ZHX2: variants seen among roughly 807,000 people sequenced by gnomAD.
ZHX2 encodes the protein zinc fingers and homeoboxes protein 2.
A neutral mutation model predicts 21.9 loss-of-function variants in ZHX2; 6 were observed. The observed-to-expected ratio is 0.27, with a 90% confidence interval of 0.15 to 0.54. The LOEUF is 0.54. ZHX2 is among the 20% of genes least tolerant of loss of function. The pLI, the probability that ZHX2 is intolerant of heterozygous loss-of-function variation, is 0.95. For missense variants in ZHX2, 908 were observed against 1,090.7 expected (o/e 0.83, Z 2.36); for synonymous variants, 434 against 437.1 (o/e 0.99, Z 0.09).
chr8:122,904,816 A>G (rs941982146), intron 2 of ZHX2, among the ~76,000 whole-genome samples: 7 of 152,242 alleles, frequency 4.6e-5, no homozygotes, highest in Non-Finnish European at 7.3e-5. Context: ...GATTAAAGAC[A>G]ATAGATGATA....
intron 1 of ZHX2, among the ~76,000 whole-genome samples, chr8:122,835,871 A>T (rs1818482859): frequency 6.6e-6 from 1 of 152,338 alleles, no homozygotes; most frequent in Non-Finnish European, 1.5e-5. Flanking sequence ...TTTGCGGGCC[A>T]TTTGGACCCA....
chr8:122,844,840 A>G (rs1213144499), intron 1 of ZHX2, among the ~76,000 whole-genome samples: 2 of 152,228 alleles, frequency 1.3e-5, no homozygotes, highest in East Asian at 3.8e-4. Flanking sequence ...ACTGACTGCA[A>G]GGAAACCTAC....
chr8:122,823,829 G>A (rs1818205198), intron 1 of ZHX2, among the ~76,000 whole-genome samples: 1 of 152,156 alleles, frequency 6.6e-6, no homozygotes, highest in South Asian at 2.1e-4. Context: ...CTTCTTCAGA[G>A]TACTTTTACC....
chr8:122,882,950 C>T (rs1216317193), intron 2 of ZHX2, among the ~76,000 whole-genome samples: 1 of 152,096 alleles, frequency 6.6e-6, no homozygotes, highest in Non-Finnish European at 1.5e-5. Flanking sequence ...CCACTATACT[C>T]CAGCCTGGGT....
chr8:122,932,680 T>C (rs1821022233), intron 2 of ZHX2, among the ~76,000 whole-genome samples: 3 of 152,214 alleles, frequency 2.0e-5, no homozygotes, highest in African/African-American at 7.2e-5. Context: ...TGGTTACATT[T>C]AGGTCCCACT....
intron 1 of ZHX2, among the ~76,000 whole-genome samples, chr8:122,801,716 A>T (rs921822003): frequency 1.1e-4 from 17 of 152,294 alleles, no homozygotes; most frequent in South Asian, 6.2e-4. Flanking sequence ...GCACCGCTGC[A>T]GCTCCAGCCC....
intron 2 of ZHX2, among the ~76,000 whole-genome samples, chr8:122,910,559 G>A (rs987096555): frequency 1.3e-5 from 2 of 152,212 alleles, no homozygotes; most frequent in African/African-American, 4.8e-5. Context: ...CAAAAGGCAG[G>A]CAAAAGGCTT....
intron 3 of ZHX2, among the ~76,000 whole-genome samples, chr8:122,970,700 T>A (rs1813698632): frequency 6.6e-6 from 1 of 152,180 alleles, no homozygotes; most frequent in African/African-American, 2.4e-5. Flanking sequence ...ATCCAATCAG[T>A]GGCAGCCTCC....
At chr8:122,811,726 G>T (rs1817934494) in intron 1 of ZHX2, among the ~76,000 whole-genome samples, 2 of 152,200 alleles carry the variant, frequency 1.3e-5, no homozygotes, top group African/African-American at 2.4e-5. Flanking sequence ...AAGGTGGGAT[G>T]GTAATAGGTC....
At chr8:122,903,771 C>T (rs1022038596) in intron 2 of ZHX2, among the ~76,000 whole-genome samples, 12 of 151,948 alleles carry the variant, frequency 7.9e-5, no homozygotes, top group African/African-American at 2.7e-4. Context: ...GGTGTTGACA[C>T]GGGGCAGGTA....
intron 3 of ZHX2, among the ~76,000 whole-genome samples, chr8:122,955,694 C>T (rs988732178): frequency 3.3e-5 from 5 of 151,972 alleles, no homozygotes; most frequent in South Asian, 2.1e-4. Context: ...AAGGGGAGGG[C>T]GTGAGTGAAA....
chr8:122,925,672 G>A (rs1820832151), intron 2 of ZHX2, among the ~76,000 whole-genome samples: 1 of 152,174 alleles, frequency 6.6e-6, no homozygotes, highest in African/African-American at 2.4e-5. Flanking sequence ...AGAGAGAACA[G>A]CTCGAGCAAA....
intron 2 of ZHX2, among the ~76,000 whole-genome samples, chr8:122,937,041 G>A (rs993259647): frequency 6.6e-6 from 1 of 152,206 alleles, no homozygotes; most frequent in Non-Finnish European, 1.5e-5. Flanking sequence ...GCATGGGTAG[G>A]GGTCTTTCTC....
At chr8:122,822,588 G>A (rs547527333) in intron 1 of ZHX2, among the ~76,000 whole-genome samples, 5 of 152,330 alleles carry the variant, frequency 3.3e-5, no homozygotes, top group South Asian at 2.1e-4. Context: ...AGAAGGTGAC[G>A]AGAGCCTCCC....
At chr8:122,850,786 C>A (rs1177816425) in intron 1 of ZHX2, among the ~76,000 whole-genome samples, 4 of 151,836 alleles carry the variant, frequency 2.6e-5, no homozygotes, top group African/African-American at 9.7e-5. Context: ...CTTGGAGCTA[C>A]TTTTTAAAAA....
intron 1 of ZHX2, among the ~76,000 whole-genome samples, chr8:122,797,456 A>G (rs1280428975): frequency 1.3e-5 from 2 of 152,242 alleles, no homozygotes; most frequent in Non-Finnish European, 2.9e-5. Flanking sequence ...CTGTTTCTGC[A>G]CAGAGAACCC....
chr8:122,837,357 A>G lies in ZHX2; in HGVS notation c.-282-26120A>G, dbSNP rs139487077. On this transcript the variant is annotated intron_variant, in intron 1 of 3. Transcript: ENST00000314393. ...ATTACTGACCATCAAAGGAAACCCC[A>G]TCTGAGCAATGGGTTCCAGACCCCC... 5.4e-3 allele frequency among the ~76,000 whole-genome samples: 820 copies of G among 152,222 alleles called. 12 individuals are homozygous for G. Among genetic ancestry groups the G allele is most frequent in the African/African-American group, 0.017 (713 of 41,530 alleles).
At chr8:122,817,269 C>T (rs1034230548) in intron 1 of ZHX2, among the ~76,000 whole-genome samples, 3 of 152,204 alleles carry the variant, frequency 2.0e-5, no homozygotes, top group Non-Finnish European at 2.9e-5. Context: ...CCCTCCTTAG[C>T]GATTCTTATC....
chr8:122,947,614 A>AGCCAC (rs543315441), intron 2 of ZHX2, among the ~76,000 whole-genome samples: 6 of 152,204 alleles, frequency 3.9e-5, no homozygotes, highest in Non-Finnish European at 5.9e-5. Flanking sequence ...CTGTGCAGAA[A>AGCCAC]GCCACGCAGG....
Sources: gnomAD v4.1 joint callset for allele counts (sites outside exome capture counted in the v4.1 genomes callset) on GRCh38, gnomAD v4.1.1 for gene constraint, MANE v1.5 for transcripts, NCBI Gene and HGNC (gene_info 2026-07-23, HGNC 2026-07-21) for gene names.